The following UQCC1 variants were observed in gnomAD, a reference collection of about 807,000 sequenced individuals.
UQCC1 encodes ubiquinol-cytochrome c reductase complex assembly factor 1.
Under a neutral mutation model 48.0 loss-of-function variants are expected in UQCC1, and 38 were observed. That is an observed-to-expected ratio of 0.79 (90% confidence interval 0.61 to 1.04). The LOEUF is 1.04. UQCC1 is among the 50% of genes least tolerant of loss of function. UQCC1 has a pLI of 0.00. For synonymous variants in UQCC1, 111 were observed against 129.2 expected (o/e 0.86, Z 0.95); for missense variants, 368 against 381.8 (o/e 0.96, Z 0.30).
intron 6 of UQCC1, among the ~76,000 whole-genome samples, chr20:35,360,096 A>G (rs577000432): frequency 2.0e-5 from 3 of 152,332 alleles, no homozygotes; most frequent in South Asian, 4.1e-4. Flanking sequence ...GGTACCAGGT[A>G]TCAGCGCACT....
intron 6 of UQCC1, among the ~76,000 whole-genome samples, chr20:35,348,534 C>T (rs144161953): frequency 3.2e-4 from 49 of 152,174 alleles, no homozygotes; most frequent in African/African-American, 1.2e-3. Context: ...GGACTACAGG[C>T]GCCTGCCACC....
chr20:35,336,461 C>T (rs565479541), intron 7 of UQCC1, among the ~76,000 whole-genome samples: 3 of 152,190 alleles, frequency 2.0e-5, no homozygotes, highest in South Asian at 2.1e-4. Context: ...AAGAGAGAGG[C>T]GGAAGGAACT....
chr20:35,368,999 A>T (rs1433398690), intron 5 of UQCC1, among the ~76,000 whole-genome samples: 4 of 152,070 alleles, frequency 2.6e-5, no homozygotes, highest in Non-Finnish European at 1.5e-5. Flanking sequence ...AAAAAGAAAA[A>T]TTTTCTTGGA....
chr20:35,380,601 G>A (rs1258084079), intron 4 of UQCC1, among the ~76,000 whole-genome samples: 1 of 152,196 alleles, frequency 6.6e-6, no homozygotes, highest in African/African-American at 2.4e-5. Context: ...TTAAAATGGT[G>A]TAAGTGGCAT....
intron 6 of UQCC1, among the ~76,000 whole-genome samples, chr20:35,347,740 T>C (rs1411826384): frequency 6.6e-6 from 1 of 152,228 alleles, no homozygotes; most frequent in Admixed American, 6.5e-5. Flanking sequence ...CTATTGAGCA[T>C]TTTAAATACA....
intron 7 of UQCC1, among the ~76,000 whole-genome samples, chr20:35,343,247 A>G (rs971342683): frequency 2.0e-5 from 3 of 151,522 alleles, no homozygotes; most frequent in African/African-American, 7.4e-5. Context: ...TAGATTTTCA[A>G]GCTGAAAAAA....
At chr20:35,316,892 C>T (rs1009979471) in intron 7 of UQCC1, among the ~76,000 whole-genome samples, 3 of 151,880 alleles carry the variant, frequency 2.0e-5, no homozygotes, top group Admixed American at 1.3e-4. Context: ...CCCGCCTCGG[C>T]CTCCTAAAGT....
chr20:35,314,779 T>C lies in UQCC1; in HGVS notation c.574-14A>G. The C allele has an allele frequency of 5.1e-6, 8 of 1,572,340 alleles. No individual in the cohort carries two copies. Among genetic ancestry groups the C allele is most frequent in the Non-Finnish European group, 7.0e-6 (8 of 1,150,488 alleles). On this transcript the variant is annotated splice_polypyrimidine_tract_variant and intron_variant, in intron 7 of 9. Transcript: ENST00000374385. ...ATAGGGATTAACCTACAGAAACAAA[T>C]GGCAAAAACAAAAGTTTGAAAGAAA...
chr20:35,304,210 C>T, intron 9 of UQCC1, 141 bp from the exon 10 acceptor site: 1 of 1,087,794 alleles, frequency 9.2e-7, no homozygotes, highest in Admixed American at 2.6e-5. Context: ...AGGTCCCAGA[C>T]CAAGCCGTCC....
intron 8 of UQCC1, among the ~76,000 whole-genome samples, chr20:35,308,519 A>C (rs1179995971): frequency 1.3e-5 from 2 of 152,240 alleles, no homozygotes; most frequent in Non-Finnish European, 2.9e-5. Flanking sequence ...CAACTTTAGC[A>C]GCGGGTGAGA....
chr20:35,400,017 C>T (rs1696664151), intron 1 of UQCC1, among the ~76,000 whole-genome samples: 1 of 150,830 alleles, frequency 6.6e-6, no homozygotes, highest in Non-Finnish European at 1.5e-5. Flanking sequence ...CCTTCACCTC[C>T]TGGATTCAAG....
chr20:35,388,915 A>T (rs1279601290), intron 2 of UQCC1, among the ~76,000 whole-genome samples: 3 of 151,864 alleles, frequency 2.0e-5, no homozygotes, highest in Admixed American at 1.3e-4. Context: ...AAAATATAAA[A>T]ATTAGCTGGG....
chr20:35,353,803 A>T lies in UQCC1; in HGVS notation c.465-6531T>A, dbSNP rs1222468904. Among the ~76,000 whole-genome samples the T allele has an allele frequency of 3.3e-5, 5 of 152,202 alleles. No homozygotes were observed. The East Asian group carries it at 7.7e-4, about 24-fold the overall frequency. On this transcript the variant is annotated intron_variant, in intron 6 of 9. Coordinates refer to ENST00000374385, the MANE Select transcript of UQCC1 (RefSeq NM_018244.5). ...TGAGACCCTGTCTAAAAAAAAAAAAATTAGCTTAGCTTAAGTGTACAGTGT... is the reference window on the plus strand; with the variant it reads ...TGAGACCCTGTCTAAAAAAAAAAAATTTAGCTTAGCTTAAGTGTACAGTGT...
At chr20:35,383,754 G>A (rs1047870422) in intron 3 of UQCC1, among the ~76,000 whole-genome samples, 3 of 152,112 alleles carry the variant, frequency 2.0e-5, no homozygotes, top group African/African-American at 4.8e-5. Context: ...AGAAGGCTGA[G>A]GCAGGAGGAT....
chr20:35,337,676 A>C (rs754468333), intron 7 of UQCC1, among the ~76,000 whole-genome samples: 36 of 152,186 alleles, frequency 2.4e-4, no homozygotes, highest in Non-Finnish European at 4.0e-4. Context: ...AAATAGCCTT[A>C]AAACTAAGTT....
At chr20:35,394,646 ACT>A (rs916386908) in intron 1 of UQCC1, among the ~76,000 whole-genome samples, 4 of 151,264 alleles carry the variant, frequency 2.6e-5, no homozygotes, top group African/African-American at 9.7e-5. Context: ...AAGATGAAAA[ACT>A]CTTTTTTCTA....
At chr20:35,362,093 A>C (rs909472882) in intron 6 of UQCC1, among the ~76,000 whole-genome samples, 6 of 152,192 alleles carry the variant, frequency 3.9e-5, no homozygotes, top group African/African-American at 1.4e-4. Flanking sequence ...CCCTGCCCAG[A>C]AGGGAAGGTT....
At chr20:35,326,959 T>C in intron 7 of UQCC1, among the ~76,000 whole-genome samples, 1 of 152,192 alleles carries the variant, frequency 6.6e-6, no homozygotes, top group Non-Finnish European at 1.5e-5. Context: ...TTGTCATGGA[T>C]GCTGAGGCCC....
At chr20:35,402,634 T>C (rs1356568655) in intron 1 of UQCC1, among the ~76,000 whole-genome samples, 1 of 147,874 alleles carries the variant, frequency 6.8e-6, no homozygotes, top group Non-Finnish European at 1.5e-5. Context: ...ATATATATAA[T>C]ATATATAAAT....
Sources: allele counts gnomAD v4.1 joint callset (sites outside exome capture counted in the v4.1 genomes callset), GRCh38; gene constraint gnomAD v4.1.1; transcripts MANE v1.5; gene names NCBI Gene and HGNC (gene_info 2026-07-23, HGNC 2026-07-21).